GOLM1: variants seen among roughly 807,000 people sequenced by gnomAD.
GOLM1 encodes epididymis luminal protein 46.
In GOLM1, 31 loss-of-function variants were observed where a neutral mutation model predicts 50.5. The ratio of observed to expected loss-of-function variants is 0.61; its 90% CI spans 0.46 to 0.83. The LOEUF is 0.83. Among genes scored for constraint, GOLM1 ranks in the 40% least tolerant of loss-of-function variants. GOLM1 has a pLI of 0.00. For missense variants in GOLM1, 491 were observed against 501.3 expected, an observed-to-expected ratio of 0.98 and a Z score of 0.20; for synonymous variants, 178 against 192.8, an observed-to-expected ratio of 0.92 and a Z score of 0.64.
In GOLM1 at chr9:86,040,733, A is replaced by G. The variant is rs199837178; in HGVS notation, c.597+6T>C. 1.9e-6 allele frequency: 3 copies of G among 1,606,308 alleles called. No homozygotes were observed. In the African/African-American group the frequency reaches 4.0e-5, roughly 22 times the overall value. ...TAGAAACTCTTGGCAAAAATTCCCC[A>G]GTTACCTGCTGTCTCTGGTCGTTGT... On this transcript the variant is annotated splice_donor_region_variant and intron_variant, in intron 6 of 9. Transcript: ENST00000388712.
At chr9:86,041,245 C>T (rs1037280595) in intron 5 of GOLM1, among the ~76,000 whole-genome samples, 1 of 152,154 alleles carries the variant, frequency 6.6e-6, no homozygotes, top group African/African-American at 2.4e-5. Flanking sequence ...CCCTCTGGAC[C>T]ATACTTGAGT....
At chr9:86,085,963 A>G (rs1834948863) in intron 1 of GOLM1, among the ~76,000 whole-genome samples, 1 of 152,160 alleles carries the variant, frequency 6.6e-6, no homozygotes, top group South Asian at 2.1e-4. Context: ...TTATAGAATG[A>G]TTTATAATCC....
At chr9:86,040,496 GGCTGCGA>G (rs776412709) in intron 6 of GOLM1, among the ~76,000 whole-genome samples, 20 of 152,168 alleles carry the variant, frequency 1.3e-4, no homozygotes, top group Non-Finnish European at 2.6e-4. Context: ...CTCCCAGGCT[GGCTGCGA>G]GCTTTAAATA....
At chr9:86,056,559 G>A (rs1833996180) in intron 3 of GOLM1, among the ~76,000 whole-genome samples, 2 of 144,208 alleles carry the variant, frequency 1.4e-5, no homozygotes, top group African/African-American at 5.2e-5. Context: ...AGGCTGGAAT[G>A]CAGTGGCGTG....
At chr9:86,042,104 G>A (rs777066449) in intron 5 of GOLM1, among the ~76,000 whole-genome samples, 9 of 152,186 alleles carry the variant, frequency 5.9e-5, no homozygotes, top group Admixed American at 1.3e-4. Context: ...GCGACAGAGC[G>A]AGACTCCGTC....
chr9:86,081,194 A>ATTT (rs141790142), intron 1 of GOLM1, among the ~76,000 whole-genome samples: 1 of 133,688 alleles, frequency 7.5e-6, no homozygotes, highest in East Asian at 2.3e-4. Context: ...AGCCTCAATG[A>ATTT]TTTTTTTTTT....
chr9:86,028,801 GCCATAC>G (rs1252025554), intron 9 of GOLM1, among the ~76,000 whole-genome samples: 1 of 149,784 alleles, frequency 6.7e-6, no homozygotes, highest in Non-Finnish European at 1.5e-5. Flanking sequence ...GAAGAAGAAA[GCCATAC>G]CCCCATTGCA....
intron 3 of GOLM1, among the ~76,000 whole-genome samples, chr9:86,060,912 AAAGAAG>A (rs766112636): frequency 5.2e-5 from 4 of 76,504 alleles, no homozygotes; most frequent in Middle Eastern, 5.8e-3. Flanking sequence ...AAAAAAAAAA[AAAGAAG>A]AAGAAGAAGA....
At chr9:86,034,157 G>A (rs1381316430) in intron 8 of GOLM1, among the ~76,000 whole-genome samples, 3 of 152,050 alleles carry the variant, frequency 2.0e-5, no homozygotes, top group Admixed American at 1.3e-4. Flanking sequence ...AAGAGATGGG[G>A]TTTCACCATA....
chr9:86,053,539 C>CACCACTT (rs1833856543), intron 3 of GOLM1, among the ~76,000 whole-genome samples: 3 of 1,316 alleles, frequency 2.3e-3, no homozygotes, highest in African/African-American at 3.7e-3. Flanking sequence ...CCACACCAAA[C>CACCACTT]CACACCAAAC....
chr9:86,050,886 T>C (rs1317509669), intron 4 of GOLM1, among the ~76,000 whole-genome samples: 1 of 152,222 alleles, frequency 6.6e-6, no homozygotes, highest in East Asian at 1.9e-4. Flanking sequence ...TGATCTTAGC[T>C]ATTTCTTGCC....
Position 86,052,718 on chromosome 9 carries a change from T to C in GOLM1, c.310-127A>G, listed in dbSNP as rs1040462220. 4.1e-6 allele frequency: 3 copies of C among 732,364 alleles called. No homozygotes were observed. The African/African-American group carries it at 6.2e-5, about 15-fold the overall frequency. 45.4% of individuals were successfully genotyped at this position (732,364 alleles called of 1,614,324 possible). Reference sequence around the variant, plus strand: ...CTGCTGTCAGGGAAGGAGCTCGCACTCAGCGCTCAGGCTGGGCCCTCCCAT... The same window carrying C: ...CTGCTGTCAGGGAAGGAGCTCGCACCCAGCGCTCAGGCTGGGCCCTCCCAT... On this transcript the variant is annotated intron_variant, in intron 3 of 9. Transcript: ENST00000388712.
chr9:86,079,401 C>T (rs1834719948), intron 1 of GOLM1, 60 bp from the exon 2 acceptor site: 2 of 1,328,430 alleles, frequency 1.5e-6, no homozygotes, highest in South Asian at 2.9e-5. Context: ...CCGAAGCAGA[C>T]CGTATCATCC....
chr9:86,028,178 T>G (rs898378288), intron 9 of GOLM1, among the ~76,000 whole-genome samples: 1 of 152,202 alleles, frequency 6.6e-6, no homozygotes, highest in South Asian at 2.1e-4. Flanking sequence ...TCCTGTCTTC[T>G]TGCCCAAATG....
chr9:86,052,658 A>G (rs1334360802), intron 3 of GOLM1, 67 bp from the exon 4 acceptor site: 12 of 1,367,064 alleles, frequency 8.8e-6, no homozygotes, highest in Non-Finnish European at 1.1e-5. Flanking sequence ...CAGATGTGAT[A>G]CAAACCAATG....
intron 3 of GOLM1, among the ~76,000 whole-genome samples, chr9:86,063,059 A>C (rs1488685991): frequency 6.6e-6 from 1 of 151,986 alleles, no homozygotes; most frequent in African/African-American, 2.4e-5. Flanking sequence ...CGCTGCTCTC[A>C]CTCCTGAACA....
At chr9:86,053,805 A>G (rs981234495) in intron 3 of GOLM1, among the ~76,000 whole-genome samples, 2 of 90,894 alleles carry the variant, frequency 2.2e-5, no homozygotes, top group African/African-American at 4.2e-5. Context: ...ACACAACACC[A>G]TACACCACAC....
At chr9:86,030,873 T>TA (rs1353691084) in intron 9 of GOLM1, among the ~76,000 whole-genome samples, 3 of 152,214 alleles carry the variant, frequency 2.0e-5, no homozygotes, top group Admixed American at 6.5e-5. Flanking sequence ...AAAAAAAATG[T>TA]AAGTATTAAA....
At chr9:86,050,750 C>T (rs1056691004) in intron 4 of GOLM1, among the ~76,000 whole-genome samples, 3 of 152,010 alleles carry the variant, frequency 2.0e-5, no homozygotes, top group Non-Finnish European at 2.9e-5. Context: ...TGATTCTTCT[C>T]TCCTTTCTTC....
Sources: allele counts gnomAD v4.1 joint callset (sites outside exome capture counted in the v4.1 genomes callset), GRCh38; gene constraint gnomAD v4.1.1; transcripts MANE v1.5; gene names NCBI Gene and HGNC (gene_info 2026-07-23, HGNC 2026-07-21).